The following HACD2 variants were observed in gnomAD, a reference collection of about 807,000 sequenced individuals.
The protein encoded by HACD2 is 3-hydroxyacyl-CoA dehydratase 2.
Under a neutral mutation model 31.0 loss-of-function variants are expected in HACD2, and 15 were observed. The observed-to-expected ratio is 0.48, with a 90% CI of 0.32 to 0.75. The LOEUF is 0.75. HACD2 is among the 30% of genes least tolerant of loss of function. The pLI is 0.03. For synonymous variants in HACD2, 115 were observed against 122.2 expected (o/e 0.94, Z 0.39); for missense variants, 283 against 313.0 (o/e 0.90, Z 0.72).
intron 4 of HACD2, among the ~76,000 whole-genome samples, chr3:123,525,739 T>G (rs2056275198): frequency 6.6e-6 from 1 of 152,056 alleles, no homozygotes; most frequent in African/African-American, 2.4e-5. Flanking sequence ...AAAAAGAAAC[T>G]GAGAAATGAT....
chr3:123,528,296 G>T, intron 4 of HACD2, 90 bp downstream of exon 4: 1 of 803,832 alleles, frequency 1.2e-6, no homozygotes, highest in Non-Finnish European at 2.2e-6. Flanking sequence ...CTCTGACCTG[G>T]AACTCTTTAG....
intron 5 of HACD2, among the ~76,000 whole-genome samples, chr3:123,501,046 T>C (rs999952145): frequency 6.6e-6 from 1 of 152,176 alleles, no homozygotes; most frequent in Admixed American, 6.5e-5. Context: ...GGTCCTGCCC[T>C]GTGGGTCTTG....
In HACD2 at chr3:123,543,807, C is replaced by CT. The variant is rs201298499; in HGVS notation, c.293-15334dup. 1,509 of 200,650 alleles carry CT rather than the reference C, an allele frequency of 7.5e-3. 23 individuals are homozygous for CT. Among genetic ancestry groups the CT allele is most frequent in the African/African-American group, 0.033 (1,399 of 42,118 alleles). 12.4% of individuals were successfully genotyped at this position (200,650 alleles called of 1,614,324 possible). A position where few individuals can be genotyped will look rare whatever the true frequency, so the allele number is the denominator to read the frequency against. ...ATTGCAGAATATGGGGGATTTTTTTCTTTTCATTAAAAAGAATTCCGTTGC... is the reference window on the plus strand; with the variant it reads ...ATTGCAGAATATGGGGGATTTTTTTCTTTTTCATTAAAAAGAATTCCGTTGC... On this transcript the variant is annotated intron_variant, in intron 3 of 6. Coordinates refer to ENST00000383657, the MANE Select transcript of HACD2 (RefSeq NM_198402.5).
chr3:123,542,129 A>T (rs1009649015), intron 3 of HACD2, among the ~76,000 whole-genome samples: 15 of 119,532 alleles, frequency 1.3e-4, no homozygotes, highest in Admixed American at 1.0e-3. Flanking sequence ...CCTGGGCGAC[A>T]GAGCGAGACT....
At chr3:123,580,142 G>C (rs1340664746) in intron 2 of HACD2, among the ~76,000 whole-genome samples, 1 of 151,324 alleles carries the variant, frequency 6.6e-6, no homozygotes, top group Non-Finnish European at 1.5e-5. Context: ...ACTCCTGCCT[G>C]GGCAACAGAG....
chr3:123,528,322 G>T, intron 4 of HACD2, 64 bp downstream of exon 4: 1 of 972,962 alleles, frequency 1.0e-6, no homozygotes, highest in Non-Finnish European at 1.7e-6. Context: ...ACAAACATGT[G>T]AATCAGAAAA....
chr3:123,545,004 G>A (rs1454128380), intron 3 of HACD2, among the ~76,000 whole-genome samples: 2 of 130,876 alleles, frequency 1.5e-5, no homozygotes, highest in African/African-American at 5.9e-5. Flanking sequence ...AGCCCAGGAG[G>A]TCGAAGCTGT....
At chr3:123,559,367 T>G (rs527950313) in intron 3 of HACD2, among the ~76,000 whole-genome samples, 1 of 152,372 alleles carries the variant, frequency 6.6e-6, no homozygotes, top group South Asian at 2.1e-4. Flanking sequence ...GTAGAACTAC[T>G]GTACTTGAAA....
At chr3:123,564,376 A>G (rs2056769140) in intron 3 of HACD2, among the ~76,000 whole-genome samples, 1 of 152,232 alleles carries the variant, frequency 6.6e-6, no homozygotes, top group Non-Finnish European at 1.5e-5. Flanking sequence ...AACACTCATG[A>G]TTAAGGGACA....
At chr3:123,530,408 A>ATTTTTTTTT (rs1168086468) in intron 3 of HACD2, among the ~76,000 whole-genome samples, 1 of 134,166 alleles carries the variant, frequency 7.5e-6, no homozygotes, top group Non-Finnish European at 1.6e-5. Context: ...GTGCCAGGTA[A>ATTTTTTTTT]TTTTTTTTTT....
intron 4 of HACD2, among the ~76,000 whole-genome samples, chr3:123,524,397 G>A (rs2056252900): frequency 6.6e-6 from 1 of 152,138 alleles, no homozygotes; most frequent in South Asian, 2.1e-4. Context: ...TTTAAGGAGA[G>A]AGGCTAATTA....
chr3:123,564,024 C>T (rs796484160), intron 3 of HACD2, among the ~76,000 whole-genome samples: 83 of 152,360 alleles, frequency 5.4e-4, no homozygotes, highest in African/African-American at 1.9e-3. Context: ...ACTGAATTGA[C>T]AAAACCTGAT....
intron 3 of HACD2, among the ~76,000 whole-genome samples, chr3:123,552,043 G>A (rs1218496873): frequency 6.6e-6 from 1 of 152,158 alleles, no homozygotes; most frequent in Non-Finnish European, 1.5e-5. Flanking sequence ...AGGTCCCACT[G>A]CAAATCTTTG....
At chr3:123,547,151 T>C (rs2056568957) in intron 3 of HACD2, among the ~76,000 whole-genome samples, 1 of 152,204 alleles carries the variant, frequency 6.6e-6, no homozygotes. Flanking sequence ...TACTTAACTA[T>C]TATAAATAGT....
At chr3:123,518,995 T>TAAAA (rs67571643) in intron 4 of HACD2, among the ~76,000 whole-genome samples, 29 of 42,486 alleles carry the variant, frequency 6.8e-4, no homozygotes, top group Middle Eastern at 0.014. Flanking sequence ...AGACTCCAAC[T>TAAAA]AAAAAAAAAA....
At chr3:123,540,144 G>A (rs1250437966) in intron 3 of HACD2, among the ~76,000 whole-genome samples, 5 of 150,538 alleles carry the variant, frequency 3.3e-5, no homozygotes, top group Non-Finnish European at 5.9e-5. Context: ...TTTTTGAGCC[G>A]TGTTCCTATA....
At chr3:123,509,819 A>G (rs1468061983) in intron 4 of HACD2, among the ~76,000 whole-genome samples, 2 of 152,012 alleles carry the variant, frequency 1.3e-5, no homozygotes, top group East Asian at 3.9e-4. Context: ...TTAGCATACA[A>G]ATGTTATTCT....
chr3:123,582,161 T>C, intron 2 of HACD2, 51 bp downstream of exon 2: 1 of 1,263,318 alleles, frequency 7.9e-7, no homozygotes, highest in Non-Finnish European at 1.1e-6. Context: ...AGTTGCATGT[T>C]TTTCTTCATA....
At chr3:123,540,341 C>T (rs995071787) in intron 3 of HACD2, among the ~76,000 whole-genome samples, 4 of 152,152 alleles carry the variant, frequency 2.6e-5, no homozygotes, top group Non-Finnish European at 4.4e-5. Context: ...CCAGAGACCT[C>T]TTAAGGGAAT....
Sources: gnomAD v4.1 joint callset for allele counts (sites outside exome capture counted in the v4.1 genomes callset) on GRCh38, gnomAD v4.1.1 for gene constraint, MANE v1.5 for transcripts, NCBI Gene and HGNC (gene_info 2026-07-23, HGNC 2026-07-21) for gene names.